The following GRXCR1 variants were observed in gnomAD, a reference collection of about 807,000 sequenced individuals.
The protein encoded by GRXCR1 is glutaredoxin domain-containing cysteine-rich protein 1.
In GRXCR1, 27 loss-of-function variants were observed where a neutral mutation model predicts 27.3. The ratio of observed to expected loss-of-function variants is 0.99; its 90% CI spans 0.73 to 1.37. GRXCR1 has a LOEUF of 1.37. GRXCR1 is among the 40% of genes most tolerant of loss of function. GRXCR1 has a pLI of 0.00. For missense variants in GRXCR1, 379 were observed against 354.4 expected (o/e 1.07, Z -0.56); for synonymous variants, 122 against 131.1 (o/e 0.93, Z 0.47).
intron 2 of GRXCR1, among the ~76,000 whole-genome samples, chr4:42,966,122 G>T (rs1426247832): frequency 6.6e-6 from 1 of 152,076 alleles, no homozygotes. Context: ...AGCAAATTCA[G>T]TTTGGAACTT....
intron 1 of GRXCR1, among the ~76,000 whole-genome samples, chr4:42,944,520 A>G (rs1747698806): frequency 6.6e-6 from 1 of 152,100 alleles, no homozygotes. Context: ...TAGTCTTGCC[A>G]TTCATTTTCT....
At chr4:43,001,676 G>A (rs754247723) in intron 2 of GRXCR1, among the ~76,000 whole-genome samples, 16 of 152,154 alleles carry the variant, frequency 1.1e-4, no homozygotes, top group Admixed American at 3.3e-4. Context: ...GGTATTTCTA[G>A]TTGGGTGGGA....
intron 2 of GRXCR1, among the ~76,000 whole-genome samples, chr4:43,010,706 TA>T (rs1712722093): frequency 1.3e-5 from 2 of 152,062 alleles, no homozygotes; most frequent in Admixed American, 1.3e-4. Context: ...AGAGATCACG[TA>T]AAAAAGTGAT....
chr4:42,943,688 A>G (rs1747676191), intron 1 of GRXCR1, among the ~76,000 whole-genome samples: 1 of 152,132 alleles, frequency 6.6e-6, no homozygotes, highest in Admixed American at 6.6e-5. Flanking sequence ...AAGTAGAGGT[A>G]CATATTTATC....
chr4:42,979,536 T>G (rs999119460), intron 2 of GRXCR1, among the ~76,000 whole-genome samples: 13 of 152,106 alleles, frequency 8.5e-5, no homozygotes, highest in Non-Finnish European at 1.6e-4. Flanking sequence ...GCTGTTGAAT[T>G]TGATTTGCTA....
intron 1 of GRXCR1, among the ~76,000 whole-genome samples, chr4:42,918,595 A>G (rs1746938540): frequency 6.6e-6 from 1 of 152,146 alleles, no homozygotes; most frequent in South Asian, 2.1e-4. Context: ...GACAACACCA[A>G]GAATATTTAT....
At chr4:42,960,550 GT>G (rs1295214573) in intron 1 of GRXCR1, among the ~76,000 whole-genome samples, 1 of 151,330 alleles carries the variant, frequency 6.6e-6, no homozygotes, top group Admixed American at 6.6e-5. Context: ...ACTTATATTT[GT>G]TTTTTTAATC....
chr4:43,027,216 C>A (rs1322153034), intron 3 of GRXCR1, among the ~76,000 whole-genome samples: 2 of 152,280 alleles, frequency 1.3e-5, no homozygotes, highest in African/African-American at 2.4e-5. Context: ...CTGTTCACCT[C>A]CCATGAATTA....
At chr4:42,910,597 C>A (rs1746700663) in intron 1 of GRXCR1, among the ~76,000 whole-genome samples, 1 of 152,108 alleles carries the variant, frequency 6.6e-6, no homozygotes, top group East Asian at 1.9e-4. Flanking sequence ...TCTATTAGTA[C>A]AAACTGCGCA....
At chr4:43,020,037 C>T (rs757092648) in intron 2 of GRXCR1, among the ~76,000 whole-genome samples, 32 of 152,088 alleles carry the variant, frequency 2.1e-4, no homozygotes, top group South Asian at 2.1e-4. Context: ...AGACTGGCTC[C>T]AGGCTCCCTA....
intron 3 of GRXCR1, among the ~76,000 whole-genome samples, chr4:43,029,880 A>G (rs1370375892): frequency 6.6e-6 from 1 of 152,214 alleles, no homozygotes; most frequent in Non-Finnish European, 1.5e-5. Flanking sequence ...GTACAATATA[A>G]TTAGTAATCT....
At chr4:43,001,712 CACAGAG>C (rs1326260674) in intron 2 of GRXCR1, among the ~76,000 whole-genome samples, 4 of 152,150 alleles carry the variant, frequency 2.6e-5, no homozygotes, top group Non-Finnish European at 5.9e-5. Flanking sequence ...AGAAATAAGA[CACAGAG>C]ACAAAGTATA....
At chr4:42,995,604 G>C (rs549224036) in intron 2 of GRXCR1, among the ~76,000 whole-genome samples, 6 of 152,210 alleles carry the variant, frequency 3.9e-5, no homozygotes, top group South Asian at 2.1e-4. Context: ...ATTGAGTGGC[G>C]TTGAGAAAAG....
At chr4:42,985,894 A>T (rs781316517) in intron 2 of GRXCR1, among the ~76,000 whole-genome samples, 30 of 152,230 alleles carry the variant, frequency 2.0e-4, no homozygotes, top group Non-Finnish European at 3.2e-4. Flanking sequence ...ACTTGAAAAA[A>T]ATAAAGGGAA....
At chr4:43,014,731 G>A (rs994698480) in intron 2 of GRXCR1, among the ~76,000 whole-genome samples, 4 of 152,088 alleles carry the variant, frequency 2.6e-5, no homozygotes, top group Non-Finnish European at 2.9e-5. Context: ...ATGTGCCTTG[G>A]CTTGTTTTTC....
chr4:42,983,272 A>G (rs1711545434), intron 2 of GRXCR1, among the ~76,000 whole-genome samples: 2 of 146,636 alleles, frequency 1.4e-5, no homozygotes, highest in African/African-American at 2.5e-5. Context: ...CTTTCTACAT[A>G]TGGCTAGCCA....
At chr4:42,931,309 A>G (rs1037220572) in intron 1 of GRXCR1, among the ~76,000 whole-genome samples, 9 of 151,922 alleles carry the variant, frequency 5.9e-5, no homozygotes, top group South Asian at 2.1e-4. Context: ...AACTTCTTCC[A>G]CCCTCCAATT....
At chr4:42,947,451 A>G (rs759702855) in intron 1 of GRXCR1, among the ~76,000 whole-genome samples, 1 of 152,214 alleles carries the variant, frequency 6.6e-6, no homozygotes, top group Non-Finnish European at 1.5e-5. Context: ...ATTGCATAGT[A>G]TGTTGTGAAG....
At chr4:42,995,351 A>G (rs1293998158) in intron 2 of GRXCR1, among the ~76,000 whole-genome samples, 1 of 152,208 alleles carries the variant, frequency 6.6e-6, no homozygotes, top group African/African-American at 2.4e-5. Flanking sequence ...ACCTTTTACT[A>G]TAAAGAGTTT....
Sources: gnomAD v4.1 joint callset for allele counts (sites outside exome capture counted in the v4.1 genomes callset) on GRCh38, gnomAD v4.1.1 for gene constraint, MANE v1.5 for transcripts, NCBI Gene and HGNC (gene_info 2026-07-23, HGNC 2026-07-21) for gene names.